NHEJ1: variants seen among roughly 807,000 people sequenced by gnomAD.
The protein encoded by NHEJ1 is non-homologous end joining factor 1.
NHEJ1 carries 22 observed loss-of-function variants against 39.4 expected under a neutral mutation model. The observed-to-expected ratio is 0.56, with a 90% confidence interval of 0.40 to 0.80. The LOEUF (loss-of-function observed/expected upper bound fraction) is 0.80. Ranked by LOEUF, NHEJ1 falls within the 30% of genes least tolerant of loss-of-function variation. The pLI is 0.00. For synonymous variants in NHEJ1, 154 were observed against 135.6 expected (o/e 1.14, Z -0.94); for missense variants, 329 against 357.1 (o/e 0.92, Z 0.63).
chr2:219,108,125 C>T (rs552545610), intron 5 of NHEJ1, among the ~76,000 whole-genome samples: 115 of 152,168 alleles, frequency 7.6e-4, no homozygotes, highest in African/African-American at 2.6e-3. Flanking sequence ...ACACAGGGAA[C>T]AAGAAGAAAA....
chr2:219,069,614 A>AT lies in NHEJ1; in HGVS notation c.*6766_*6767insA, dbSNP rs1421425233. The AT allele has an allele frequency of 6.6e-6, 1 of 152,240 alleles. No individual in the cohort carries two copies. The highest frequency in any genetic ancestry group is 1.5e-5 in the Non-Finnish European group (1 of 68,066). 9.4% of individuals were successfully genotyped at this position (152,240 alleles called of 1,614,324 possible). A position where few individuals can be genotyped will look rare whatever the true frequency, so the allele number is the denominator to read the frequency against. On this transcript the variant is annotated 3_prime_UTR_variant, in exon 8 of 8. Coordinates refer to ENST00000356853, the MANE Select transcript of NHEJ1 (RefSeq NM_024782.3). ...TGCATGGTTCTGGATGGGAATCTCAAAGATGATGGCGGTCATCAAATGGAA... is the reference window on the plus strand; with the variant it reads ...TGCATGGTTCTGGATGGGAATCTCAATAGATGATGGCGGTCATCAAATGGAA...
intron 5 of NHEJ1, among the ~76,000 whole-genome samples, chr2:219,110,471 T>C (rs908808119): frequency 1.3e-5 from 2 of 151,324 alleles, no homozygotes; most frequent in Non-Finnish European, 2.9e-5. Flanking sequence ...TGCAGTGAGC[T>C]GTGTTTGCAC....
chr2:219,130,880 G>C (rs1949571767), intron 5 of NHEJ1, among the ~76,000 whole-genome samples: 1 of 152,126 alleles, frequency 6.6e-6, no homozygotes, highest in African/African-American at 2.4e-5. Flanking sequence ...CTTGAGGCCA[G>C]GAGTTCAAGA....
At chr2:219,157,851 G>A (rs1949870004) in intron 2 of NHEJ1, among the ~76,000 whole-genome samples, 167 bp from the exon 3 acceptor site, 1 of 152,076 alleles carries the variant, frequency 6.6e-6, no homozygotes, top group Non-Finnish European at 1.5e-5. Context: ...AAAGAAGAGA[G>A]TCACAAAGAC....
intron 5 of NHEJ1, among the ~76,000 whole-genome samples, chr2:219,115,780 C>T (rs1949408885): frequency 6.6e-6 from 1 of 152,140 alleles, no homozygotes; most frequent in South Asian, 2.1e-4. Flanking sequence ...TACTCGTTTG[C>T]AATTATGACA....
At chr2:219,157,714 G>C (rs1057465806) in intron 2 of NHEJ1, 30 bp from the exon 3 acceptor site, 1 of 1,559,286 alleles carries the variant, frequency 6.4e-7, no homozygotes. Flanking sequence ...ACAGAGTAAG[G>C]GTGCTAAAAG....
chr2:219,076,459 G>A lies in NHEJ1; in HGVS notation c.826-4C>T. 1 of 1,608,966 alleles carries A rather than the reference G, an allele frequency of 6.2e-7. No homozygotes were observed. Among genetic ancestry groups the A allele is most frequent in the Non-Finnish European group, 8.5e-7 (1 of 1,177,252 alleles). ...TCTGCAGAGGGCCTGAAGTACCCTAGAAAAAAGGGAACCCAAGTTAGTAGG... is the reference window on the plus strand; with the variant it reads ...TCTGCAGAGGGCCTGAAGTACCCTAAAAAAAAGGGAACCCAAGTTAGTAGG... On this transcript the variant is annotated splice_region_variant and splice_polypyrimidine_tract_variant and intron_variant, in intron 7 of 7. Coordinates refer to ENST00000356853, the MANE Select transcript of NHEJ1 (RefSeq NM_024782.3).
chr2:219,158,294 G>GT lies in NHEJ1; in HGVS notation c.68_69insA (p.Ala25GlyfsTer23). 6.2e-7 allele frequency: 1 copy of GT among 1,614,188 alleles called. No individual in the cohort carries two copies. The highest frequency in any genetic ancestry group is 8.5e-7 in the Non-Finnish European group (1 of 1,180,052). On this transcript the variant is annotated frameshift_variant, in exon 2 of 8. Coordinates refer to ENST00000356853, the MANE Select transcript of NHEJ1 (RefSeq NM_024782.3). LOFTEE classifies it high-confidence loss of function. The stretch of plus-strand genomic sequence containing the variant: ...GCTTGGTGATAAAAACCTTGGCCAA[G>GT]AGGGAGTTCTCTGCAAGCTGTAGCC...
intron 5 of NHEJ1, among the ~76,000 whole-genome samples, chr2:219,080,031 G>A (rs1949048039): frequency 6.6e-6 from 1 of 152,138 alleles, no homozygotes; most frequent in African/African-American, 2.4e-5. Context: ...TTTTCAGGGC[G>A]ACCTTCACTC....
chr2:219,142,593 C>T (rs115169409), intron 5 of NHEJ1, among the ~76,000 whole-genome samples: 3,032 of 152,330 alleles, frequency 0.02, 43 homozygotes, highest in South Asian at 0.043. Context: ...ATGGAGAGAG[C>T]GAGGCATGGA....
At chr2:219,097,672 T>A (rs1949221232) in intron 5 of NHEJ1, among the ~76,000 whole-genome samples, 1 of 152,040 alleles carries the variant, frequency 6.6e-6, no homozygotes, top group Non-Finnish European at 1.5e-5. Flanking sequence ...GCAGGCTTGA[T>A]GTGGGGGTTG....
At chr2:219,146,459 A>G (rs1307730612) in intron 5 of NHEJ1, among the ~76,000 whole-genome samples, 1 of 152,208 alleles carries the variant, frequency 6.6e-6, no homozygotes, top group Non-Finnish European at 1.5e-5. Flanking sequence ...TTTTATAAAT[A>G]TCAATCAGTC....
At chr2:219,087,205 C>T (rs932637276) in intron 5 of NHEJ1, among the ~76,000 whole-genome samples, 1 of 152,200 alleles carries the variant, frequency 6.6e-6, no homozygotes, top group African/African-American at 2.4e-5. Context: ...TCAAATTCAG[C>T]CACCTCAACA....
chr2:219,155,093 G>A (rs1217411710), intron 3 of NHEJ1, among the ~76,000 whole-genome samples: 5 of 151,286 alleles, frequency 3.3e-5, no homozygotes. Context: ...CAGCCTCCAA[G>A]GAGAACTGTC....
chr2:219,105,689 T>C (rs1949307113), intron 5 of NHEJ1, among the ~76,000 whole-genome samples: 1 of 152,244 alleles, frequency 6.6e-6, no homozygotes, highest in African/African-American at 2.4e-5. Context: ...ATCCTCTAAT[T>C]AGGGAAATCT....
chr2:219,112,319 T>C (rs1949373329), intron 5 of NHEJ1, among the ~76,000 whole-genome samples: 1 of 152,200 alleles, frequency 6.6e-6, no homozygotes, highest in African/African-American at 2.4e-5. Flanking sequence ...GAACCCCAGT[T>C]TCCTCATCTA....
At chr2:219,107,727 C>T (rs1280427064) in intron 5 of NHEJ1, among the ~76,000 whole-genome samples, 2 of 152,168 alleles carry the variant, frequency 1.3e-5, no homozygotes, top group Non-Finnish European at 2.9e-5. Flanking sequence ...ACATGCCCTG[C>T]TCTGGGGCCT....
At position 219,158,339 on chromosome 2, in the gene NHEJ1, C is replaced by G; in HGVS notation, c.24G>C (p.Leu8=). The G allele has an allele frequency of 6.2e-7, 1 of 1,614,226 alleles. No homozygotes were observed. The highest frequency in any genetic ancestry group is 8.5e-7 in the Non-Finnish European group (1 of 1,180,054). Residue 8 remains leucine, a synonymous_variant, in exon 2 of 8, where the codon CTG becomes CTC. Coordinates refer to ENST00000356853, the MANE Select transcript of NHEJ1 (RefSeq NM_024782.3). MEELEQG[L]LMQPWAWLQL... is the part of the protein sequence containing the mutation. ...GTAGCCACGCCCATGGCTGCATCAA[C>G]AGGCCTTGCTCCAGTTCTTCCATCT...
intron 3 of NHEJ1, among the ~76,000 whole-genome samples, chr2:219,155,187 C>T (rs1354111756): frequency 6.6e-6 from 1 of 151,348 alleles, no homozygotes; most frequent in African/African-American, 2.4e-5. Context: ...TCCCAAAGGC[C>T]GCCCAAATGG....
Sources: gnomAD v4.1 joint callset for allele counts (sites outside exome capture counted in the v4.1 genomes callset) on GRCh38, gnomAD v4.1.1 for gene constraint, MANE v1.5 for transcripts, NCBI Gene and HGNC (gene_info 2026-07-23, HGNC 2026-07-21) for gene names.